The following TXK variants were observed in gnomAD, a reference collection of about 807,000 sequenced individuals.
The protein encoded by TXK is tyrosine-protein kinase TXK.
A neutral mutation model predicts 81.0 loss-of-function variants in TXK; 60 were observed. The observed-to-expected ratio is 0.74, with a 90% CI of 0.60 to 0.92. TXK has a LOEUF of 0.92. Ranked by LOEUF, TXK falls within the 40% of genes least tolerant of loss-of-function variation. The pLI is 0.00. For missense variants in TXK, 581 were observed against 638.3 expected (o/e 0.91, Z 0.97); for synonymous variants, 203 against 210.7 (o/e 0.96, Z 0.32).
At chr4:48,105,980 G>C (rs978222530) in intron 5 of TXK, 1 of 152,120 alleles carries the variant, frequency 6.6e-6, no homozygotes, top group African/African-American at 2.4e-5. Flanking sequence ...GTAATACCTA[G>C]TCAGTAAGCA....
chr4:48,084,467 T>C (rs1394142567), intron 10 of TXK, among the ~76,000 whole-genome samples: 6 of 152,242 alleles, frequency 3.9e-5, no homozygotes, highest in African/African-American at 1.4e-4. Flanking sequence ...AATTCTTTCT[T>C]GTTTGATAGA....
At position 48,066,739 on chromosome 4, in the gene TXK, A is replaced by G. The variant is rs1032306241; in HGVS notation, c.*898T>C. 6.6e-6 allele frequency: 1 copy of G among 152,200 alleles called. No homozygotes were observed. Among genetic ancestry groups the G allele is most frequent in the Non-Finnish European group, 1.5e-5 (1 of 68,030 alleles). 9.4% of individuals were successfully genotyped at this position (152,200 alleles called of 1,614,324 possible). On this transcript the variant is annotated 3_prime_UTR_variant, in exon 15 of 15. Coordinates refer to ENST00000264316, the MANE Select transcript of TXK (RefSeq NM_003328.3). ...TTTAACTGTGATTGCTGGTTGTTTC[A>G]TCTCGAATTCAAAATCCTGGATTTC...
intron 1 of TXK, among the ~76,000 whole-genome samples, chr4:48,127,340 T>C (rs1719116323): frequency 6.6e-6 from 1 of 152,232 alleles, no homozygotes. Flanking sequence ...ATTCATTTCA[T>C]GATCATTTTC....
chr4:48,130,793 A>C (rs1182655445), intron 1 of TXK, among the ~76,000 whole-genome samples: 1 of 152,178 alleles, frequency 6.6e-6, no homozygotes, highest in Non-Finnish European at 1.5e-5. Flanking sequence ...AAAAGGAGTA[A>C]GATAGGACTC....
intron 6 of TXK, among the ~76,000 whole-genome samples, chr4:48,097,429 T>TTA (rs1374676454): frequency 3.3e-5 from 5 of 151,400 alleles, no homozygotes; most frequent in Non-Finnish European, 1.5e-5. Flanking sequence ...CCACTTTTTT[T>TTA]TTTTTTTTGA....
At chr4:48,126,949 T>C (rs897000768) in intron 1 of TXK, among the ~76,000 whole-genome samples, 2 of 152,252 alleles carry the variant, frequency 1.3e-5, no homozygotes, top group African/African-American at 4.8e-5. Context: ...CACTGTCTTC[T>C]GCAGCCTGGA....
intron 10 of TXK, among the ~76,000 whole-genome samples, chr4:48,083,135 C>A (rs951215175): frequency 6.6e-6 from 1 of 152,234 alleles, no homozygotes; most frequent in Admixed American, 6.5e-5. Flanking sequence ...AAAGAGCACA[C>A]TACAACGCAG....
chr4:48,080,235 A>G, intron 10 of TXK, 107 bp from the exon 11 acceptor site: 1 of 897,536 alleles, frequency 1.1e-6, no homozygotes, highest in Non-Finnish European at 1.7e-6. Context: ...CATTATCAAG[A>G]TAAGATAAAA....
At chr4:48,117,821 G>A (rs1033757195) in intron 1 of TXK, among the ~76,000 whole-genome samples, 2 of 152,216 alleles carry the variant, frequency 1.3e-5, no homozygotes, top group Admixed American at 6.5e-5. Flanking sequence ...TTCCAGATGT[G>A]ATAGTAATTG....
Position 48,086,507 on chromosome 4 carries a change from G to A in TXK, c.915C>T (p.Ser305=). ...QVAIKAINEG[S]MSEEDFIEEA... is the part of the protein sequence containing the mutation. ...CTTCAATGAAATCCTCTTCAGACAT[G>A]GAGCCTTCATTGATGGCCTTGATAG... The change falls in exon 10 of 15, where the codon TCC becomes TCT. Residue 305 remains serine (S), a synonymous_variant. Transcript: ENST00000264316. 2 of 1,614,064 alleles carry A rather than the reference G, an allele frequency of 1.2e-6. No homozygotes were observed. The highest frequency in any genetic ancestry group is 1.7e-6 in the Non-Finnish European group (2 of 1,179,978).
chr4:48,124,050 GCA>G (rs1217780895), intron 1 of TXK, among the ~76,000 whole-genome samples: 1 of 152,082 alleles, frequency 6.6e-6, no homozygotes, highest in Non-Finnish European at 1.5e-5. Context: ...CTGTCCCAAA[GCA>G]CAGTCCTGCC....
At chr4:48,095,751 C>A (rs941221018) in intron 6 of TXK, among the ~76,000 whole-genome samples, 2 of 151,966 alleles carry the variant, frequency 1.3e-5, no homozygotes, top group African/African-American at 4.8e-5. Context: ...ATATTAGTTG[C>A]AGTAGGGGTA....
At chr4:48,129,198 G>A (rs962726038) in intron 1 of TXK, among the ~76,000 whole-genome samples, 41 of 152,172 alleles carry the variant, frequency 2.7e-4, no homozygotes, top group African/African-American at 8.9e-4. Flanking sequence ...GTGATCCTGT[G>A]TCTGTGTTCG....
At chr4:48,107,065 G>A (rs1718480450) in intron 5 of TXK, among the ~76,000 whole-genome samples, 1 of 151,634 alleles carries the variant, frequency 6.6e-6, no homozygotes, top group Non-Finnish European at 1.5e-5. Flanking sequence ...GAAGAAAACT[G>A]AATTTATTCA....
intron 9 of TXK, among the ~76,000 whole-genome samples, chr4:48,088,143 A>G (rs548495929): frequency 8.8e-4 from 133 of 151,714 alleles, no homozygotes; most frequent in African/African-American, 3.1e-3. Context: ...GCTAACATGT[A>G]AAAAAAAACC....
chr4:48,071,757 C>G, intron 13 of TXK, 83 bp from the exon 14 acceptor site: 4 of 1,507,780 alleles, frequency 2.7e-6, no homozygotes, highest in Non-Finnish European at 3.6e-6. Context: ...AACTACAAGG[C>G]ATTATTTTTG....
Position 48,112,324 on chromosome 4 carries a change from C to T in TXK, c.363G>A (p.Lys121=). The part of the protein sequence containing the change: ...ILEKYNPHWW[K]ARDRLGNEGL... ...TGTCTTACCCCAAACGGTCTCTTGC[C>T]TTCCACCAGTGAGGATTGTATTTCT... The change falls in exon 4 of 15, where the codon AAG becomes AAA. Residue 121 remains lysine, a synonymous_variant. Coordinates refer to ENST00000264316, the MANE Select transcript of TXK (RefSeq NM_003328.3). The T allele has an allele frequency of 6.2e-7, 1 of 1,614,168 alleles. No homozygotes were observed. The highest frequency in any genetic ancestry group is 8.5e-7 in the Non-Finnish European group (1 of 1,179,998).
chr4:48,105,680 A>C (rs189544757), intron 5 of TXK, among the ~76,000 whole-genome samples: 1 of 152,272 alleles, frequency 6.6e-6, no homozygotes, highest in Admixed American at 6.5e-5. Context: ...CTCTAGATCT[A>C]ATATAAAATT....
At position 48,119,136 on chromosome 4, in the gene TXK, C is replaced by T. The variant is rs1196666587; in HGVS notation, c.17-4734G>A. Among the ~76,000 whole-genome samples the T allele has an allele frequency of 2.0e-5, 3 of 152,140 alleles. No homozygotes were observed. In the East Asian group the frequency reaches 5.8e-4, roughly 29 times the overall value. ...AGGGTTCCCAACAGGTATAATCCAACCAGAACCCAGAGGGCTTAGGAGGAC... is the reference window on the plus strand; with the variant it reads ...AGGGTTCCCAACAGGTATAATCCAATCAGAACCCAGAGGGCTTAGGAGGAC... On this transcript the variant is annotated intron_variant, in intron 1 of 14. Coordinates refer to ENST00000264316, the MANE Select transcript of TXK (RefSeq NM_003328.3).
Sources: allele counts gnomAD v4.1 joint callset (sites outside exome capture counted in the v4.1 genomes callset), GRCh38; gene constraint gnomAD v4.1.1; transcripts MANE v1.5; gene names NCBI Gene and HGNC (gene_info 2026-07-23, HGNC 2026-07-21).